The following ANK2 variants were observed in gnomAD, a reference collection of about 807,000 sequenced individuals.
ANK2 encodes ankyrin-2.
ANK2 carries 83 observed loss-of-function variants against 360.5 expected under a neutral mutation model. The ratio of observed to expected loss-of-function variants is 0.23; its 90% CI spans 0.19 to 0.28. The LOEUF (loss-of-function observed/expected upper bound fraction) is 0.28. Among genes scored for constraint, ANK2 ranks in the 10% least tolerant of loss-of-function variants. The probability of loss-of-function intolerance (pLI) is 1.00; values close to 1 mark genes in which losing one functional copy is unlikely to be tolerated. For missense variants in ANK2, 4,201 were observed against 4,795.7 expected, an observed-to-expected ratio of 0.88 and a Z score of 3.66; for synonymous variants, 1,740 against 1,759.5, an observed-to-expected ratio of 0.99 and a Z score of 0.28.
intron 1 of ANK2, among the ~76,000 whole-genome samples, chr4:112,871,601 C>T (rs2150265685): frequency 6.6e-6 from 1 of 152,262 alleles, no homozygotes; most frequent in Non-Finnish European, 1.5e-5. Context: ...CCTTTTATTT[C>T]TTTCTCTTGC....
the ANK2 span, among the ~76,000 whole-genome samples, chr4:112,772,440 G>A: frequency 3.3e-5 from 5 of 152,156 alleles, no homozygotes; most frequent in Admixed American, 6.5e-5. Context: ...TGAGATTTGA[G>A]TGGGAACACA....
intron 2 of ANK2, among the ~76,000 whole-genome samples, chr4:112,955,801 TA>T (rs1236667124): frequency 3.3e-5 from 5 of 152,208 alleles, no homozygotes; most frequent in Admixed American, 1.3e-4. Context: ...GAAGGATTAG[TA>T]TCCCTATTTT....
chr4:112,812,914 CTTTT>C, the ANK2 span, among the ~76,000 whole-genome samples: 1 of 152,044 alleles, frequency 6.6e-6, no homozygotes, highest in East Asian at 1.9e-4. Context: ...AGCCCTGGTT[CTTTT>C]TAGTGAGGAA....
At chr4:112,786,679 C>T in the ANK2 span, among the ~76,000 whole-genome samples, 3 of 151,774 alleles carry the variant, frequency 2.0e-5, no homozygotes, top group African/African-American at 7.3e-5. Flanking sequence ...TGTGAGCCAC[C>T]ATGCCCAGAC....
At chr4:112,947,720 A>C (rs946253694) in intron 2 of ANK2, among the ~76,000 whole-genome samples, 6 of 152,116 alleles carry the variant, frequency 3.9e-5, no homozygotes, top group African/African-American at 1.4e-4. Context: ...ACTTACTTAA[A>C]AATATTTACT....
At chr4:113,137,254 G>A (rs978405399) in intron 1 of ANK2, among the ~76,000 whole-genome samples, 11 of 152,236 alleles carry the variant, frequency 7.2e-5, no homozygotes, top group African/African-American at 2.7e-4. Flanking sequence ...GCTAGAACCA[G>A]TAAACTCTTT....
At chr4:112,786,247 TA>T in the ANK2 span, among the ~76,000 whole-genome samples, 184 of 127,418 alleles carry the variant, frequency 1.4e-3, no homozygotes, top group South Asian at 7.7e-3. Context: ...AAAAAAAAAG[TA>T]AAAAAAAAAA....
At chr4:112,813,248 A>AT (rs902262955), upstream of ANK2, among the ~76,000 whole-genome samples, 2,533 of 151,286 alleles carry the variant, frequency 0.017, 84 homozygotes, top group African/African-American at 0.056. Flanking sequence ...AAAAAAAAAA[A>AT]AAAATCAAAA....
chr4:112,801,228 G>T, the ANK2 span, among the ~76,000 whole-genome samples: 12 of 152,214 alleles, frequency 7.9e-5, no homozygotes, highest in African/African-American at 2.4e-4. Context: ...AATGCAAATT[G>T]TTCCTCAATA....
chr4:113,197,628 C>T (rs900607020), intron 3 of ANK2, among the ~76,000 whole-genome samples: 5 of 152,110 alleles, frequency 3.3e-5, no homozygotes, highest in South Asian at 2.1e-4. Context: ...GGCCAGTTAA[C>T]GTGGATTTCC....
chr4:112,977,835 G>A (rs960562167), intron 2 of ANK2, among the ~76,000 whole-genome samples: 10 of 152,054 alleles, frequency 6.6e-5, no homozygotes, highest in Non-Finnish European at 1.5e-5. Flanking sequence ...TGCAGTGTTT[G>A]GTTTTCTGTT....
At chr4:113,066,598 TATG>T (rs940108238) in intron 1 of ANK2, among the ~76,000 whole-genome samples, 2 of 152,158 alleles carry the variant, frequency 1.3e-5, no homozygotes, top group African/African-American at 2.4e-5. Context: ...TCCTGCAAGC[TATG>T]ATGACTGAGC....
At chr4:113,203,224 CA>C (rs2098870322) in intron 4 of ANK2, among the ~76,000 whole-genome samples, 1 of 152,146 alleles carries the variant, frequency 6.6e-6, no homozygotes, top group African/African-American at 2.4e-5. Context: ...CTGTATGGGA[CA>C]TTTGTTTGGT....
In ANK2 at chr4:113,355,766, C is replaced by T. The variant is rs35960628; in HGVS notation, c.7148C>T (p.Pro2383Leu). 102 of 1,614,088 alleles carry T rather than the reference C, an allele frequency of 6.3e-5. 1 individual carries two copies. The highest frequency in any genetic ancestry group is 5.3e-4 in the African/African-American group (40 of 75,038). The change falls in exon 38 of 46, where the codon CCG (proline) becomes CTG (leucine). Residue 2383 changes from proline (P) to leucine (L), a missense_variant. Physicochemically the swap from Pro to Leu is moderately conservative, Grantham distance 98. Coordinates refer to ENST00000357077, the MANE Select transcript of ANK2 (RefSeq NM_001148.6). The stretch of plus-strand genomic sequence containing the variant: ...ACCTCAGACGAGACAAAGGCCTTGC[C>T]GCTGCCTGAGGCTTCTGTAAAGACA... ...TATSDETKAL[P>L]LPEASVKTDT...
At chr4:113,238,432 A>C (rs1469406412) in intron 7 of ANK2, among the ~76,000 whole-genome samples, 1 of 152,138 alleles carries the variant, frequency 6.6e-6, no homozygotes, top group African/African-American at 2.4e-5. Context: ...TGGACTTTTG[A>C]GCATTCTCAC....
At chr4:112,781,827 ATT>A in the ANK2 span, among the ~76,000 whole-genome samples, 18 of 124,740 alleles carry the variant, frequency 1.4e-4, no homozygotes, top group African/African-American at 3.3e-4. Flanking sequence ...TGATAACAGT[ATT>A]TTTTTTTTTT....
At chr4:113,306,359 A>C (rs914729583) in intron 23 of ANK2, among the ~76,000 whole-genome samples, 2 of 152,180 alleles carry the variant, frequency 1.3e-5, no homozygotes, top group Non-Finnish European at 2.9e-5. Flanking sequence ...GGAAAGTACA[A>C]GAGAGAGACA....
At chr4:113,161,613 GA>G (rs1439488174) in intron 1 of ANK2, among the ~76,000 whole-genome samples, 3 of 151,878 alleles carry the variant, frequency 2.0e-5, no homozygotes, top group Admixed American at 1.3e-4. Context: ...GGTCTTATGG[GA>G]AAAATAAGAA....
chr4:112,900,804 C>G (rs1319247198), intron 1 of ANK2, among the ~76,000 whole-genome samples: 1 of 152,140 alleles, frequency 6.6e-6, no homozygotes, highest in Non-Finnish European at 1.5e-5. Flanking sequence ...ATGCCTGACC[C>G]AGCAATATGC....
Sources: allele counts gnomAD v4.1 joint callset (sites outside exome capture counted in the v4.1 genomes callset), GRCh38; gene constraint gnomAD v4.1.1; transcripts MANE v1.5; gene names NCBI Gene and HGNC (gene_info 2026-07-23, HGNC 2026-07-21).